Variants in PRR16 observed in about 807,000 individuals in gnomAD.
The protein encoded by PRR16 is protein Largen.
A neutral mutation model predicts 18.2 loss-of-function variants in PRR16; 6 were observed. The observed-to-expected ratio is 0.33, with a 90% CI of 0.18 to 0.65. The LOEUF (loss-of-function observed/expected upper bound fraction) is 0.65, where lower values mean the gene tolerates loss of function less well. Ranked by LOEUF, PRR16 falls within the 30% of genes least tolerant of loss-of-function variation. The probability of loss-of-function intolerance (pLI) is 0.74; values close to 1 mark genes in which losing one functional copy is unlikely to be tolerated. For missense variants in PRR16, 412 were observed against 376.6 expected (o/e 1.09, Z -0.78); for synonymous variants, 151 against 147.8 (o/e 1.02, Z -0.16).
intron 1 of PRR16, among the ~76,000 whole-genome samples, chr5:120,515,222 C>G (rs1233763638): frequency 6.6e-6 from 1 of 152,064 alleles, no homozygotes; most frequent in Non-Finnish European, 1.5e-5. Flanking sequence ...ATAAGGAACT[C>G]ACTTTCATGA....
intron 1 of PRR16, among the ~76,000 whole-genome samples, chr5:120,534,854 T>TA (rs1751664634): frequency 1.3e-5 from 2 of 152,280 alleles, no homozygotes; most frequent in South Asian, 4.1e-4. Context: ...ACGTGTAAAA[T>TA]AAAAAAATTT....
At chr5:120,702,947 C>T in the PRR16 span, among the ~76,000 whole-genome samples, 7 of 152,264 alleles carry the variant, frequency 4.6e-5, no homozygotes, top group African/African-American at 1.7e-4. Context: ...CGATCCGAGT[C>T]ACGGCACTAA....
At chr5:120,791,601 A>ATCTCTCTC in the PRR16 span, among the ~76,000 whole-genome samples, 1 of 71,354 alleles carries the variant, frequency 1.4e-5, no homozygotes, top group Non-Finnish European at 3.5e-5. Context: ...CTATCTATCT[A>ATCTCTCTC]TCTATCTATC....
At chr5:120,572,590 A>G (rs969086285) in intron 1 of PRR16, among the ~76,000 whole-genome samples, 4 of 152,138 alleles carry the variant, frequency 2.6e-5, no homozygotes, top group Non-Finnish European at 1.5e-5. Flanking sequence ...AGCTTTGAGC[A>G]GAGAGATATT....
At chr5:120,546,866 C>T (rs1752089427) in intron 1 of PRR16, among the ~76,000 whole-genome samples, 1 of 151,998 alleles carries the variant, frequency 6.6e-6, no homozygotes, top group Admixed American at 6.6e-5. Context: ...AGATGTTTCT[C>T]CTTGCCTAGC....
intron 1 of PRR16, among the ~76,000 whole-genome samples, chr5:120,679,797 C>G (rs1561612536): frequency 6.6e-6 from 1 of 151,880 alleles, no homozygotes; most frequent in Non-Finnish European, 1.5e-5. Context: ...GAATCTAAAA[C>G]AACAACAACA....
chr5:120,632,928 A>G (rs1755106379), intron 1 of PRR16, among the ~76,000 whole-genome samples: 2 of 152,206 alleles, frequency 1.3e-5, no homozygotes, highest in African/African-American at 4.8e-5. Context: ...GCATATAGTC[A>G]TCAGGTTATC....
intron 1 of PRR16, among the ~76,000 whole-genome samples, chr5:120,652,302 G>C (rs948305372): frequency 3.9e-5 from 6 of 152,014 alleles, no homozygotes; most frequent in African/African-American, 1.4e-4. Flanking sequence ...TTTGTTTCCT[G>C]TAGGTTTCTG....
chr5:120,612,338 T>C (rs1277053553), intron 1 of PRR16, among the ~76,000 whole-genome samples: 5 of 152,102 alleles, frequency 3.3e-5, no homozygotes, highest in Non-Finnish European at 5.9e-5. Context: ...GGTTTTGAAA[T>C]GTGAGGACAT....
chr5:120,697,025 A>T, the PRR16 span, among the ~76,000 whole-genome samples: 1 of 152,312 alleles, frequency 6.6e-6, no homozygotes, highest in East Asian at 1.9e-4. Context: ...ATTTAGTTAC[A>T]CTTTTATCAC....
chr5:120,477,286 A>T (rs1345086359), intron 1 of PRR16, among the ~76,000 whole-genome samples: 1 of 152,032 alleles, frequency 6.6e-6, no homozygotes, highest in Non-Finnish European at 1.5e-5. Flanking sequence ...GAGACATCTT[A>T]ATTTTACCAT....
intron 1 of PRR16, among the ~76,000 whole-genome samples, chr5:120,505,449 C>A (rs926358733): frequency 6.6e-6 from 1 of 152,024 alleles, no homozygotes; most frequent in African/African-American, 2.4e-5. Context: ...CCCAAATGGG[C>A]TCCTTTGTAC....
chr5:120,770,296 T>C, the PRR16 span, among the ~76,000 whole-genome samples: 2 of 151,956 alleles, frequency 1.3e-5, no homozygotes, highest in African/African-American at 4.8e-5. Context: ...AATCCATTCA[T>C]ACACGATCAG....
chr5:120,482,125 A>G (rs963415006), intron 1 of PRR16, among the ~76,000 whole-genome samples: 1 of 152,180 alleles, frequency 6.6e-6, no homozygotes, highest in East Asian at 1.9e-4. Flanking sequence ...TTTCTTTTTT[A>G]AAAAAATAAT....
intron 1 of PRR16, among the ~76,000 whole-genome samples, chr5:120,662,341 T>G (rs1756201450): frequency 6.6e-6 from 1 of 152,142 alleles, no homozygotes; most frequent in African/African-American, 2.4e-5. Context: ...GTAGTCACAG[T>G]GATTATGACG....
At chr5:120,557,519 G>C (rs1752453327) in intron 1 of PRR16, among the ~76,000 whole-genome samples, 1 of 151,762 alleles carries the variant, frequency 6.6e-6, no homozygotes, top group Admixed American at 6.6e-5. Context: ...GCACTGATGT[G>C]ATGAAAAAAT....
chr5:120,645,538 C>T (rs1017476147), intron 1 of PRR16, among the ~76,000 whole-genome samples: 1 of 152,022 alleles, frequency 6.6e-6, no homozygotes, highest in African/African-American at 2.4e-5. Flanking sequence ...ATGAAAAATA[C>T]ATATTCCCCA....
At chr5:120,546,810 G>C (rs1205933383) in intron 1 of PRR16, among the ~76,000 whole-genome samples, 1 of 151,926 alleles carries the variant, frequency 6.6e-6, no homozygotes, top group Admixed American at 6.6e-5. Context: ...AGACCTCAAG[G>C]GTGGCCCACT....
chr5:120,665,319 G>GT (rs1201678403), intron 1 of PRR16, among the ~76,000 whole-genome samples: 1 of 151,930 alleles, frequency 6.6e-6, no homozygotes, highest in African/African-American at 2.4e-5. Flanking sequence ...TTTTCTTCTT[G>GT]TAAATTTGTT....
Sources: allele counts gnomAD v4.1 joint callset (sites outside exome capture counted in the v4.1 genomes callset), GRCh38; gene constraint gnomAD v4.1.1; transcripts MANE v1.5; gene names NCBI Gene and HGNC (gene_info 2026-07-23, HGNC 2026-07-21).